Variants in ANKRD36C observed in about 807,000 individuals in gnomAD.
The protein encoded by ANKRD36C is ankyrin repeat domain 36C, also known as ankyrin repeat domain-containing protein 36C.
Under a neutral mutation model 276.4 loss-of-function variants are expected in ANKRD36C, and 61 were observed. The ratio of observed to expected loss-of-function variants is 0.22; its 90% confidence interval spans 0.18 to 0.27. The LOEUF (loss-of-function observed/expected upper bound fraction) is 0.27. Among genes scored for constraint, ANKRD36C ranks in the 10% least tolerant of loss-of-function variants. ANKRD36C has a pLI of 1.00. For missense variants in ANKRD36C, 1,447 were observed against 2,032.3 expected (o/e 0.71, Z 5.54); for synonymous variants, 483 against 680.1 (o/e 0.71, Z 4.51).
chr2:95,961,682 A>G lies in ANKRD36C; in HGVS notation c.901+670T>C, dbSNP rs571482151. Among the ~76,000 whole-genome samples, 9 of 152,184 alleles carry G rather than the reference A, an allele frequency of 5.9e-5. No homozygotes were observed. In the East Asian group the frequency reaches 1.7e-3, roughly 29 times the overall value. On this transcript the variant is annotated intron_variant, in intron 8 of 66. Coordinates refer to ENST00000456556, the Ensembl canonical transcript of ANKRD36C. ...AACAAAACATATATCTCTGATGCCCAATAGTTACAAAGAGGGGTAATGTGT... is the reference window on the plus strand; with the variant it reads ...AACAAAACATATATCTCTGATGCCCGATAGTTACAAAGAGGGGTAATGTGT...
At chr2:95,876,596 A>G in intron 58 of ANKRD36C, 84 bp from the exon 79 acceptor site, 3 of 703,026 alleles carry the variant, frequency 4.3e-6, no homozygotes, top group Non-Finnish European at 7.7e-6. Flanking sequence ...TCACGCCTGT[A>G]ATCCCAGCAC....
At chr2:95,896,723 C>A (rs1458436451) in intron 44 of ANKRD36C, among the ~76,000 whole-genome samples, 13 of 145,520 alleles carry the variant, frequency 8.9e-5, no homozygotes, top group Admixed American at 1.4e-4. Flanking sequence ...ATTCCAAATG[C>A]ATCTGAAGTG....
chr2:95,892,046 C>A (rs1003604222), intron 44 of ANKRD36C, among the ~76,000 whole-genome samples, 186 bp from the exon 65 acceptor site: 5 of 151,614 alleles, frequency 3.3e-5, no homozygotes, highest in African/African-American at 1.2e-4. Flanking sequence ...ATACAGGCTC[C>A]ATGAAATATA....
At chr2:95,917,735 T>G in intron 36 of ANKRD36C, 120 bp downstream of exon 38, 4 of 1,300,298 alleles carry the variant, frequency 3.1e-6, no homozygotes, top group Non-Finnish European at 4.2e-6. Context: ...TCAGGACTGC[T>G]GGATCAGAAT....
At chr2:95,908,094 C>A (rs988683051) in intron 42 of ANKRD36C, among the ~76,000 whole-genome samples, 10 of 150,722 alleles carry the variant, frequency 6.6e-5, no homozygotes, top group Non-Finnish European at 1.5e-4. Context: ...CCTTAGTTCT[C>A]CTAACAGTGT....
chr2:95,921,899 T>A, intron 32 of ANKRD36C, 89 bp from the exon 33 acceptor site: 1 of 1,362,294 alleles, frequency 7.3e-7, no homozygotes, highest in Non-Finnish European at 9.9e-7. Flanking sequence ...TGTATCTGCC[T>A]GCCTGTATTA....
intron 17 of ANKRD36C, among the ~76,000 whole-genome samples, chr2:95,947,617 A>G (rs536207794): frequency 2.6e-5 from 4 of 152,302 alleles, no homozygotes; most frequent in East Asian, 1.9e-4. Flanking sequence ...TTTAATTACA[A>G]TGCAAAAACC....
At chr2:95,884,459 T>G (rs1676157141) in intron 52 of ANKRD36C, 91 bp from the exon 73 acceptor site, 1 of 1,591,424 alleles carries the variant, frequency 6.3e-7, no homozygotes, top group East Asian at 2.2e-5. Flanking sequence ...AGCTGTATCC[T>G]TCTGCCTGTA....
chr2:95,916,532 T>A (rs1343047655), intron 36 of ANKRD36C, among the ~76,000 whole-genome samples: 1 of 151,642 alleles, frequency 6.6e-6, no homozygotes, highest in Non-Finnish European at 1.5e-5. Context: ...TGCTACGTGA[T>A]CCCACATGTC....
intron 19 of ANKRD36C, among the ~76,000 whole-genome samples, chr2:95,943,702 G>A (rs1381026804): frequency 6.6e-6 from 1 of 151,764 alleles, no homozygotes; most frequent in Non-Finnish European, 1.5e-5. Context: ...AAAAAGTAAT[G>A]ATTCATTCAA....
At chr2:95,934,072 A>G (rs1234511798) in intron 24 of ANKRD36C, among the ~76,000 whole-genome samples, 1 of 152,246 alleles carries the variant, frequency 6.6e-6, no homozygotes, top group African/African-American at 2.4e-5. Context: ...CATGCCAGTT[A>G]GAATGGTGAT....
At chr2:95,884,501 G>A in intron 52 of ANKRD36C, 133 bp from the exon 73 acceptor site, 1 of 1,464,900 alleles carries the variant, frequency 6.8e-7, no homozygotes, top group East Asian at 2.3e-5. Flanking sequence ...CCTACTTTGT[G>A]TCTGGGGATT....
intron 42 of ANKRD36C, among the ~76,000 whole-genome samples, chr2:95,903,566 G>A (rs1282883154): frequency 1.3e-5 from 2 of 151,442 alleles, no homozygotes; most frequent in African/African-American, 4.8e-5. Context: ...TCAGTTGAAC[G>A]TACACTTCAC....
chr2:95,962,607 A>T, intron 6 of ANKRD36C, 60 bp from the exon 7 acceptor site: 1 of 1,579,638 alleles, frequency 6.3e-7, no homozygotes, highest in Non-Finnish European at 8.6e-7. Flanking sequence ...TTATCCATAC[A>T]TTCATGCACT....
intron 30 of ANKRD36C, among the ~76,000 whole-genome samples, chr2:95,924,271 G>A (rs529441114): frequency 6.6e-6 from 1 of 151,624 alleles, no homozygotes; most frequent in African/African-American, 2.4e-5. Context: ...ATACACATGT[G>A]GTGGAATAAT....
intron 42 of ANKRD36C, among the ~76,000 whole-genome samples, chr2:95,909,860 G>A (rs1358878438): frequency 1.4e-5 from 2 of 146,524 alleles, no homozygotes; most frequent in African/African-American, 2.5e-5. Flanking sequence ...TTTCCTCAGC[G>A]GAAACCCCAA....
At position 95,957,609 on chromosome 2, in the gene ANKRD36C, T is replaced by A. The variant is rs532739418; in HGVS notation, c.1106-793A>T. 3.3e-4 allele frequency among the ~76,000 whole-genome samples: 51 copies of A among 152,382 alleles called. No individual in the cohort carries two copies. The South Asian group carries it at 9.7e-3, about 29-fold the overall frequency. ...AAACCTAATAAAAATGTATAAAAAA[T>A]TATCAAATTTGATATACTTACACAA... On this transcript the variant is annotated intron_variant, in intron 12 of 66. Coordinates refer to ENST00000456556, the Ensembl canonical transcript of ANKRD36C.
At chr2:95,907,801 A>C (rs202014239) in intron 42 of ANKRD36C, among the ~76,000 whole-genome samples, 8,173 of 149,758 alleles carry the variant, frequency 0.055, 376 homozygotes, top group East Asian at 0.18. Flanking sequence ...TTTATAACTA[A>C]AATCAACAAA....
At position 95,914,027 on chromosome 2, in the gene ANKRD36C, GC is replaced by G. The variant is rs1014250394; in HGVS notation, c.2551+80del. 2.1e-5 allele frequency: 29 copies of G among 1,365,396 alleles called. 1 individual carries two copies. Among genetic ancestry groups the G allele is most frequent in the Middle Eastern group, 4.9e-4 (2 of 4,044 alleles). 84.6% of individuals were successfully genotyped at this position (1,365,396 alleles called of 1,614,324 possible). A position where few individuals can be genotyped will look rare whatever the true frequency, so the allele number is the denominator to read the frequency against. ...GTATCAGAATGTGCAGCTTCAACGA[GC>G]CCCCCGCTGATTTCTTCAGGGAAGA... On this transcript the variant is annotated intron_variant, in intron 40 of 66. Transcript: ENST00000456556.
Sources: allele counts gnomAD v4.1 joint callset (sites outside exome capture counted in the v4.1 genomes callset), GRCh38; gene constraint gnomAD v4.1.1; transcripts MANE v1.5; gene names NCBI Gene and HGNC (gene_info 2026-07-23, HGNC 2026-07-21).